The following GLRA3 variants were observed in gnomAD, a reference collection of about 807,000 sequenced individuals.
GLRA3 encodes glycine receptor subunit alpha-3.
Under a neutral mutation model 60.4 loss-of-function variants are expected in GLRA3, and 44 were observed. The observed-to-expected ratio is 0.73, with a 90% confidence interval of 0.57 to 0.94. The LOEUF is 0.94. Ranked by LOEUF, GLRA3 falls within the 40% of genes least tolerant of loss-of-function variation. The pLI, the probability that GLRA3 is intolerant of heterozygous loss-of-function variation, is 0.00. For missense variants in GLRA3, 508 were observed against 564.6 expected (o/e 0.90, Z 1.02); for synonymous variants, 223 against 192.9 (o/e 1.16, Z -1.29).
At chr4:174,774,352 A>G (rs1329378022) in intron 2 of GLRA3, among the ~76,000 whole-genome samples, 2 of 146,928 alleles carry the variant, frequency 1.4e-5, no homozygotes, top group Non-Finnish European at 3.0e-5. Flanking sequence ...GTGTAAATGT[A>G]TGTGTGTGTG....
intron 4 of GLRA3, among the ~76,000 whole-genome samples, chr4:174,720,577 T>A (rs1037549040): frequency 6.6e-6 from 1 of 152,184 alleles, no homozygotes; most frequent in South Asian, 2.1e-4. Flanking sequence ...TTGATCCTCT[T>A]GTGCTCCTAT....
At chr4:174,720,065 A>T (rs1296181394) in intron 4 of GLRA3, among the ~76,000 whole-genome samples, 1 of 152,240 alleles carries the variant, frequency 6.6e-6, no homozygotes, top group Non-Finnish European at 1.5e-5. Flanking sequence ...GTTGCTATGC[A>T]TAGCATCTTT....
intron 2 of GLRA3, among the ~76,000 whole-genome samples, chr4:174,769,596 T>C (rs548916275): frequency 3.9e-5 from 6 of 152,214 alleles, no homozygotes; most frequent in Non-Finnish European, 8.8e-5. Flanking sequence ...GTAATGAGAA[T>C]GTTTTGCTCT....
intron 1 of GLRA3, among the ~76,000 whole-genome samples, 177 bp downstream of exon 1, chr4:174,828,564 G>A (rs1741072446): frequency 6.6e-6 from 1 of 152,144 alleles, no homozygotes; most frequent in Non-Finnish European, 1.5e-5. Context: ...AAGCAAATGA[G>A]TAGGTCTCAG....
chr4:174,689,756 TAAAA>T (rs553306775), intron 5 of GLRA3, among the ~76,000 whole-genome samples: 9,212 of 38,990 alleles, frequency 0.24, 657 homozygotes, highest in East Asian at 0.41. Flanking sequence ...TAAGTCGCAT[TAAAA>T]AAAAAAAAAA....
chr4:174,679,625 A>G (rs1352535936), intron 6 of GLRA3, among the ~76,000 whole-genome samples: 1 of 152,222 alleles, frequency 6.6e-6, no homozygotes, highest in Non-Finnish European at 1.5e-5. Context: ...ATAAGGAACC[A>G]ACCCAAGTGT....
intron 1 of GLRA3, among the ~76,000 whole-genome samples, chr4:174,806,535 G>A (rs1230405649): frequency 2.0e-5 from 3 of 152,054 alleles, no homozygotes; most frequent in South Asian, 4.1e-4. Flanking sequence ...GAGGATGGTT[G>A]TGTCTGTACT....
chr4:174,799,201 C>T, intron 1 of GLRA3, among the ~76,000 whole-genome samples: 1 of 152,082 alleles, frequency 6.6e-6, no homozygotes, highest in Non-Finnish European at 1.5e-5. Flanking sequence ...GTCATAATTA[C>T]CTATGGATTA....
chr4:174,711,152 T>C (rs1343300693), intron 5 of GLRA3, among the ~76,000 whole-genome samples: 1 of 151,892 alleles, frequency 6.6e-6, no homozygotes, highest in Non-Finnish European at 1.5e-5. Context: ...TCTAATTTTA[T>C]TGCATTTTAG....
chr4:174,720,536 C>T (rs1736091573), intron 4 of GLRA3, among the ~76,000 whole-genome samples: 1 of 152,136 alleles, frequency 6.6e-6, no homozygotes, highest in Admixed American at 6.5e-5. Context: ...AATAGCAGAG[C>T]CTCGATCTGG....
Position 174,828,997 on chromosome 4 carries a change from G to A in GLRA3, c.-186C>T. Reference sequence around the variant, plus strand: ...CCCTTCTCAGCATTGAGCAGAAGTGGAGAGTCACAGTGTTATAAATGTGCA... The same window carrying A: ...CCCTTCTCAGCATTGAGCAGAAGTGAAGAGTCACAGTGTTATAAATGTGCA... On this transcript the variant is annotated 5_prime_UTR_variant, in exon 1 of 10. Coordinates refer to ENST00000274093, the MANE Select transcript of GLRA3 (RefSeq NM_006529.4). 1 of 580,954 alleles carries A rather than the reference G, an allele frequency of 1.7e-6. No individual in the cohort carries two copies. Among genetic ancestry groups the A allele is most frequent in the Non-Finnish European group, 3.1e-6 (1 of 323,828 alleles). The allele number at this position is 580,954 out of a possible 1,614,324, so 36.0% of individuals were successfully genotyped here. A position where few individuals can be genotyped will look rare whatever the true frequency, so the allele number is the denominator to read the frequency against.
intron 9 of GLRA3, among the ~76,000 whole-genome samples, chr4:174,653,685 T>C (rs897121761): frequency 1.3e-5 from 2 of 152,046 alleles, no homozygotes; most frequent in Non-Finnish European, 2.9e-5. Context: ...ATATCTAGCA[T>C]AATATGTTAG....
chr4:174,724,062 G>A (rs111688500), intron 4 of GLRA3, among the ~76,000 whole-genome samples: 8 of 118,642 alleles, frequency 6.7e-5, no homozygotes, highest in African/African-American at 9.0e-5. Context: ...GTGTGTGTGT[G>A]TATATATATA....
chr4:174,646,272 G>C (rs868115902), intron 9 of GLRA3, among the ~76,000 whole-genome samples: 6 of 152,298 alleles, frequency 3.9e-5, no homozygotes, highest in Middle Eastern at 6.8e-3. Context: ...GACCTTAGCT[G>C]CTCATCTCAA....
chr4:174,723,064 A>G (rs1736190301), intron 4 of GLRA3: 1 of 167,046 alleles, frequency 6.0e-6, no homozygotes, highest in African/African-American at 2.4e-5. Context: ...GCAATTCATA[A>G]TGGATGATGT....
intron 1 of GLRA3, among the ~76,000 whole-genome samples, chr4:174,803,367 G>A (rs184172538): frequency 6.6e-6 from 1 of 152,132 alleles, no homozygotes; most frequent in East Asian, 1.9e-4. Context: ...TATTTTAAAG[G>A]AAACTAATTA....
At position 174,820,352 on chromosome 4, in the gene GLRA3, A is replaced by T. The variant is rs144018339; in HGVS notation, c.71+8389T>A. ...TTATGCCTGGAGTTATTTATCTGAAATTGTTAATGTGCTTTAGAAAAGAAG... is the reference window on the plus strand; with the variant it reads ...TTATGCCTGGAGTTATTTATCTGAATTTGTTAATGTGCTTTAGAAAAGAAG... On this transcript the variant is annotated intron_variant, in intron 1 of 9. Coordinates refer to ENST00000274093, the MANE Select transcript of GLRA3 (RefSeq NM_006529.4). Among the ~76,000 whole-genome samples the T allele has an allele frequency of 8.0e-3, 1,223 of 152,302 alleles. 21 individuals carry two copies. Among genetic ancestry groups the T allele is most frequent in the African/African-American group, 0.028 (1,150 of 41,558 alleles).
At chr4:174,803,368 A>G (rs1739901182) in intron 1 of GLRA3, among the ~76,000 whole-genome samples, 1 of 152,154 alleles carries the variant, frequency 6.6e-6, no homozygotes, top group African/African-American at 2.4e-5. Flanking sequence ...ATTTTAAAGG[A>G]AACTAATTAA....
intron 9 of GLRA3, among the ~76,000 whole-genome samples, chr4:174,648,720 G>A: frequency 6.6e-6 from 1 of 152,102 alleles, no homozygotes; most frequent in South Asian, 2.1e-4. Flanking sequence ...TTGATTCATG[G>A]GTATATTAAC....
Sources: allele counts gnomAD v4.1 joint callset (sites outside exome capture counted in the v4.1 genomes callset), GRCh38; gene constraint gnomAD v4.1.1; transcripts MANE v1.5; gene names NCBI Gene and HGNC (gene_info 2026-07-23, HGNC 2026-07-21).